Variants in MCTP1 observed in about 807,000 individuals in gnomAD.
MCTP1 encodes multiple C2 and transmembrane domain-containing protein 1.
Under a neutral mutation model 120.6 loss-of-function variants are expected in MCTP1, and 69 were observed. That is an observed-to-expected ratio of 0.57 (90% CI 0.47 to 0.70). The LOEUF (loss-of-function observed/expected upper bound fraction) is 0.70, where lower values mean the gene tolerates loss of function less well. Ranked by LOEUF, MCTP1 falls within the 30% of genes least tolerant of loss-of-function variation. The pLI, the probability that MCTP1 is intolerant of heterozygous loss-of-function variation, is 0.00. For synonymous variants in MCTP1, 529 were observed against 493.1 expected, an observed-to-expected ratio of 1.07 and a Z score of -0.96; for missense variants, 1,203 against 1,248.8, an observed-to-expected ratio of 0.96 and a Z score of 0.55.
intron 17 of MCTP1, among the ~76,000 whole-genome samples, chr5:94,801,938 A>C (rs764603241): frequency 6.6e-6 from 1 of 152,244 alleles, no homozygotes; most frequent in Non-Finnish European, 1.5e-5. Flanking sequence ...TATCCAAATC[A>C]ATACATCAAT....
At chr5:95,261,277 C>T (rs1425255699) in intron 1 of MCTP1, among the ~76,000 whole-genome samples, 1 of 152,164 alleles carries the variant, frequency 6.6e-6, no homozygotes, top group African/African-American at 2.4e-5. Flanking sequence ...AGACCATTTC[C>T]TGATCCTTGC....
intron 1 of MCTP1, among the ~76,000 whole-genome samples, chr5:95,139,688 A>C (rs1409475660): frequency 1.3e-5 from 2 of 152,240 alleles, no homozygotes; most frequent in Non-Finnish European, 2.9e-5. Flanking sequence ...ATCTAACTCT[A>C]AACAACTGCA....
In MCTP1 at chr5:94,955,663, G is replaced by A. The variant is rs547102610; in HGVS notation, c.839-2302C>T. ...ACAAAGCTGCAGAAAGTTCAGACAG[G>A]GCAGAGCCTACTGCAGCTCAGCAAA... On this transcript the variant is annotated intron_variant, in intron 2 of 22. Coordinates refer to ENST00000515393, the MANE Select transcript of MCTP1 (RefSeq NM_024717.7). Among the ~76,000 whole-genome samples, 7 of 152,268 alleles carry A rather than the reference G, an allele frequency of 4.6e-5. No homozygotes were observed. In the South Asian group the frequency reaches 1.5e-3, roughly 32 times the overall value.
chr5:95,018,636 A>G (rs997202133), intron 1 of MCTP1, among the ~76,000 whole-genome samples: 39 of 152,098 alleles, frequency 2.6e-4, no homozygotes, highest in African/African-American at 8.7e-4. Flanking sequence ...ACAATAAAAA[A>G]GAATTCACTC....
chr5:95,217,377 C>T (rs1206041870), intron 1 of MCTP1, among the ~76,000 whole-genome samples: 2 of 152,112 alleles, frequency 1.3e-5, no homozygotes, highest in Non-Finnish European at 2.9e-5. Context: ...TATCGAAGCA[C>T]TTATATAATT....
In MCTP1 at chr5:94,796,232, C is replaced by G. The variant is rs116213684; in HGVS notation, c.2556+2781G>C. ...TTGATTTTTCGTTTATAGTTTTCAC[C>G]CTAATTAAATTTTTGGCAGCTGAAT... On this transcript the variant is annotated intron_variant, in intron 18 of 22. Coordinates refer to ENST00000515393, the MANE Select transcript of MCTP1 (RefSeq NM_024717.7). 4.2e-3 allele frequency among the ~76,000 whole-genome samples: 645 copies of G among 151,922 alleles called. 7 individuals are homozygous for G. Among genetic ancestry groups the G allele is most frequent in the African/African-American group, 0.015 (614 of 41,420 alleles).
chr5:94,802,413 A>C (rs1662536935), intron 17 of MCTP1, among the ~76,000 whole-genome samples: 1 of 152,212 alleles, frequency 6.6e-6, no homozygotes, highest in African/African-American at 2.4e-5. Flanking sequence ...TGATAATTCT[A>C]ATTCCTGTTA....
chr5:95,043,119 G>A (rs1404921218), intron 1 of MCTP1, among the ~76,000 whole-genome samples: 1 of 152,112 alleles, frequency 6.6e-6, no homozygotes, highest in African/African-American at 2.4e-5. Context: ...GACAGTGAGT[G>A]AGTTTCCCAT....
At chr5:95,160,097 G>A (rs146448416) in intron 1 of MCTP1, among the ~76,000 whole-genome samples, 15 of 152,272 alleles carry the variant, frequency 9.9e-5, no homozygotes, top group African/African-American at 2.9e-4. Context: ...TGTATACAAC[G>A]GCAGAAATTT....
At chr5:94,775,924 C>T (rs255374) in intron 19 of MCTP1, among the ~76,000 whole-genome samples, 72,620 of 146,598 alleles carry the variant, frequency 0.5, 18,299 homozygotes, top group East Asian at 0.64. Flanking sequence ...ATATATATAT[C>T]ATATAAATAT....
chr5:94,849,431 C>T (rs1793175224), intron 17 of MCTP1, among the ~76,000 whole-genome samples: 1 of 151,994 alleles, frequency 6.6e-6, no homozygotes, highest in Non-Finnish European at 1.5e-5. Context: ...ATTTCTTCTG[C>T]CTAAAATGTT....
chr5:94,783,775 A>G (rs530390982), intron 18 of MCTP1, among the ~76,000 whole-genome samples: 1 of 152,100 alleles, frequency 6.6e-6, no homozygotes, highest in Admixed American at 6.6e-5. Context: ...TAATTTTTCC[A>G]TGAGTAAATT....
intron 19 of MCTP1, among the ~76,000 whole-genome samples, chr5:94,777,218 G>C (rs537661628): frequency 5.9e-5 from 9 of 152,144 alleles, no homozygotes; most frequent in African/African-American, 2.2e-4. Context: ...AATCAACTTT[G>C]GTAACTAGAT....
chr5:95,030,299 G>A (rs1840039985), intron 1 of MCTP1, among the ~76,000 whole-genome samples: 2 of 152,184 alleles, frequency 1.3e-5, no homozygotes, highest in South Asian at 4.1e-4. Context: ...CCCCTTCAGG[G>A]TGGGTGTTTC....
intron 1 of MCTP1, among the ~76,000 whole-genome samples, chr5:95,199,696 A>G (rs1750783573): frequency 6.6e-6 from 1 of 151,804 alleles, no homozygotes; most frequent in South Asian, 2.1e-4. Context: ...CGTCTCTATT[A>G]AAAATACTAA....
At chr5:95,168,325 A>G (rs556528530) in intron 1 of MCTP1, among the ~76,000 whole-genome samples, 4 of 152,324 alleles carry the variant, frequency 2.6e-5, no homozygotes, top group South Asian at 2.1e-4. Context: ...GAAGTCAGGT[A>G]GCATGATGCC....
At position 94,922,778 on chromosome 5, in the gene MCTP1, A is replaced by G. The variant is rs552787382; in HGVS notation, c.1272+1184T>C. On this transcript the variant is annotated intron_variant, in intron 7 of 22. Coordinates refer to ENST00000515393, the MANE Select transcript of MCTP1 (RefSeq NM_024717.7). ...GCTGGGATTACAGGCGTGAGCCACC[A>G]GGCCCGGCCAGTGAAATAATTTTTG... Among the ~76,000 whole-genome samples, 4 of 152,258 alleles carry G rather than the reference A, an allele frequency of 2.6e-5. No homozygotes were observed. The South Asian group carries it at 8.3e-4, about 32-fold the overall frequency.
intron 1 of MCTP1, among the ~76,000 whole-genome samples, chr5:95,160,575 G>C (rs1235610906): frequency 5.9e-5 from 9 of 151,942 alleles, no homozygotes; most frequent in African/African-American, 2.2e-4. Context: ...AACCCCAAAA[G>C]TACAGCAACA....
At chr5:94,858,194 A>C (rs556341848) in intron 17 of MCTP1, among the ~76,000 whole-genome samples, 2 of 151,758 alleles carry the variant, frequency 1.3e-5, no homozygotes, top group South Asian at 4.1e-4. Context: ...ATGAGTCGAC[A>C]TTTACTTTTG....
Sources: allele counts gnomAD v4.1 joint callset (sites outside exome capture counted in the v4.1 genomes callset), GRCh38; gene constraint gnomAD v4.1.1; transcripts MANE v1.5; gene names NCBI Gene and HGNC (gene_info 2026-07-23, HGNC 2026-07-21).